The following CFAP92 variants were observed in gnomAD, a reference collection of about 807,000 sequenced individuals.
CFAP92 encodes uncharacterized protein CFAP92.
In CFAP92, 86 loss-of-function variants were observed where a neutral mutation model predicts 106.3. That is an observed-to-expected ratio of 0.81 (90% confidence interval 0.68 to 0.97). CFAP92 has a LOEUF of 0.97. Among genes scored for constraint, CFAP92 ranks in the 50% least tolerant of loss-of-function variants. CFAP92 has a pLI of 0.00. For synonymous variants in CFAP92, 477 were observed against 506.4 expected, an observed-to-expected ratio of 0.94 and a Z score of 0.78; for missense variants, 1,204 against 1,283.8, an observed-to-expected ratio of 0.94 and a Z score of 0.95.
chr3:128,977,098 T>C, intron 5 of CFAP92, 32 bp from the exon 6 acceptor site: 2 of 1,570,368 alleles, frequency 1.3e-6, no homozygotes, highest in African/African-American at 1.3e-5. Flanking sequence ...TCCAAGCTTT[T>C]TGTTACATGC....
intron 10 of CFAP92, among the ~76,000 whole-genome samples, chr3:128,943,930 T>C: frequency 8.5e-6 from 1 of 118,062 alleles, no homozygotes; most frequent in East Asian, 3.6e-4. Flanking sequence ...GTTTTTTTTT[T>C]TTTTTTTTTT....
At chr3:129,021,006 C>T in the CFAP92 span, among the ~76,000 whole-genome samples, 1 of 152,150 alleles carries the variant, frequency 6.6e-6, no homozygotes, top group Non-Finnish European at 1.5e-5. Flanking sequence ...CAGGGCATCT[C>T]CTTGGGAGCA....
At chr3:128,922,286 T>C (rs1937354471) in intron 12 of CFAP92, among the ~76,000 whole-genome samples, 1 of 151,132 alleles carries the variant, frequency 6.6e-6, no homozygotes, top group African/African-American at 2.4e-5. Flanking sequence ...GAGCTTGCAG[T>C]GAGTCAAGAT....
upstream of CFAP92, among the ~76,000 whole-genome samples, chr3:128,998,347 G>A (rs1944559355): frequency 6.6e-6 from 1 of 152,126 alleles, no homozygotes; most frequent in Non-Finnish European, 1.5e-5. Context: ...TGCATTTGGT[G>A]TCGTATCTAA....
upstream of CFAP92, among the ~76,000 whole-genome samples, chr3:128,998,363 C>G (rs1438736239): frequency 6.6e-6 from 1 of 152,106 alleles, no homozygotes; most frequent in Non-Finnish European, 1.5e-5. Context: ...TCTAAGAAAT[C>G]TTTGACTAAC....
upstream of CFAP92, chr3:129,003,962 C>T (rs1944934885): frequency 2.1e-6 from 3 of 1,446,396 alleles, no homozygotes; most frequent in Non-Finnish European, 2.7e-6. Flanking sequence ...GGAGGAGGCC[C>T]GGCAGGTGGT....
intron 10 of CFAP92, among the ~76,000 whole-genome samples, chr3:128,938,246 AAAAG>A (rs1158759546): frequency 4.0e-5 from 6 of 151,542 alleles, no homozygotes; most frequent in South Asian, 4.1e-4. Flanking sequence ...AAAAGAAAGA[AAAAG>A]AAAGAAAAAG....
chr3:128,992,798 A>G (rs1238712672), intron 2 of CFAP92, among the ~76,000 whole-genome samples: 1 of 152,140 alleles, frequency 6.6e-6, no homozygotes, highest in African/African-American at 2.4e-5. Context: ...TGTAAAAAGC[A>G]GACAGAACAT....
chr3:128,923,736 G>A (rs1339668370), intron 12 of CFAP92, among the ~76,000 whole-genome samples: 5 of 152,208 alleles, frequency 3.3e-5, no homozygotes, highest in Non-Finnish European at 2.9e-5. Context: ...AGACCTTTTG[G>A]ATTCAAAGTT....
At chr3:129,002,067 G>C in intron 1 of CFAP92, 1 of 1,537,776 alleles carries the variant, frequency 6.5e-7, no homozygotes, top group Non-Finnish European at 8.8e-7. Context: ...CCAGTTCCAC[G>C]CGCGCCTCTG....
intron 10 of CFAP92, among the ~76,000 whole-genome samples, chr3:128,941,605 T>C (rs1238961737): frequency 1.3e-5 from 2 of 152,138 alleles, no homozygotes; most frequent in African/African-American, 4.8e-5. Flanking sequence ...GCCTCCCAAG[T>C]AGCTGGGAAT....
upstream of CFAP92, chr3:129,004,102 C>A: frequency 1.4e-6 from 2 of 1,466,396 alleles, no homozygotes; most frequent in Non-Finnish European, 1.8e-6. Context: ...GTGCCCTGGG[C>A]CCAAGTTCCC....
At chr3:129,001,630 T>C in intron 1 of CFAP92, 1 of 1,358,116 alleles carries the variant, frequency 7.4e-7, no homozygotes, top group Non-Finnish European at 9.4e-7. Flanking sequence ...GGCGCAGCGA[T>C]GGAGCCGGTC....
chr3:128,963,251 T>C (rs920904880), intron 9 of CFAP92, among the ~76,000 whole-genome samples: 25 of 152,268 alleles, frequency 1.6e-4, no homozygotes, highest in African/African-American at 3.8e-4. Flanking sequence ...CTTAGTGCGG[T>C]CAGAATTCTT....
At position 128,945,366 on chromosome 3, in the gene CFAP92, C is replaced by T. The variant is rs1940103642; in HGVS notation, c.1963G>A (p.Gly655Ser). Residue 655 changes from glycine (G) to serine (S), a missense_variant, in exon 10 of 16, where the codon GGC becomes AGC. Gly to Ser is a moderately conservative substitution (Grantham distance 56, BLOSUM62 0). Transcript: ENST00000645291. ...AAGATGATGCGGCCAAACTGGGAGC[C>T]CCCAAGGTCAGGATCAGCAGCTCTG... ...GARAADPDLG[G>S]SQFGRIIFVF... 6.5e-7 allele frequency: 1 copy of T among 1,536,144 alleles called. No individual in the cohort carries two copies. The highest frequency in any genetic ancestry group is 1.2e-5 in the South Asian group (1 of 84,068).
intron 9 of CFAP92, among the ~76,000 whole-genome samples, chr3:128,949,281 C>A (rs1281242424): frequency 6.6e-6 from 1 of 152,192 alleles, no homozygotes; most frequent in East Asian, 1.9e-4. Context: ...CAGCTCTATT[C>A]ATAATTACCA....
the CFAP92 span, among the ~76,000 whole-genome samples, chr3:129,022,099 T>C: frequency 6.6e-6 from 1 of 152,162 alleles, no homozygotes; most frequent in Admixed American, 6.5e-5. Context: ...AAGCTTCAGA[T>C]CCTCTAGGAT....
chr3:128,981,203 A>AT (rs1361317925), intron 4 of CFAP92, among the ~76,000 whole-genome samples: 62 of 141,386 alleles, frequency 4.4e-4, no homozygotes, highest in Admixed American at 4.4e-3. Context: ...CACCCGGCTA[A>AT]TTTTTTGTAT....
At position 128,983,509 on chromosome 3, in the gene CFAP92, G is replaced by A. The variant is rs550834983; in HGVS notation, c.667+4107C>T. ...CCAGCCAGAGTGTCAGCTCCTCAATGCCTTTCATTTCTATCCCTAGAGGCC... is the reference window on the plus strand; with the variant it reads ...CCAGCCAGAGTGTCAGCTCCTCAATACCTTTCATTTCTATCCCTAGAGGCC... On this transcript the variant is annotated intron_variant, in intron 4 of 15. Coordinates refer to ENST00000645291, the MANE Select transcript of CFAP92 (RefSeq NM_001394090.1). Among the ~76,000 whole-genome samples, 4 of 152,264 alleles carry A rather than the reference G, an allele frequency of 2.6e-5. No homozygotes were observed. The East Asian group carries it at 5.8e-4, about 22-fold the overall frequency.
Sources: gnomAD v4.1 joint callset for allele counts (sites outside exome capture counted in the v4.1 genomes callset) on GRCh38, gnomAD v4.1.1 for gene constraint, MANE v1.5 for transcripts, NCBI Gene and HGNC (gene_info 2026-07-23, HGNC 2026-07-21) for gene names.